ABR: variants seen among roughly 807,000 people sequenced by gnomAD.
ABR encodes the protein ABR activator of RhoGEF and GTPase.
A neutral mutation model predicts 107.2 loss-of-function variants in ABR; 35 were observed. The observed-to-expected ratio is 0.33, with a 90% CI of 0.25 to 0.43. ABR has a LOEUF of 0.43. Among genes scored for constraint, ABR ranks in the 20% least tolerant of loss-of-function variants. ABR has a pLI of 1.00. For missense variants in ABR, 815 were observed against 1,115.2 expected (o/e 0.73, Z 3.83); for synonymous variants, 498 against 462.0 (o/e 1.08, Z -1.00).
At chr17:1,052,036 T>C (rs2031757888) in intron 14 of ABR, among the ~76,000 whole-genome samples, 1 of 150,734 alleles carries the variant, frequency 6.6e-6, no homozygotes, top group South Asian at 2.1e-4. Flanking sequence ...ATGGCACCAC[T>C]GCACTCCAGC....
At chr17:1,045,008 G>GTTTA (rs1474386537) in intron 16 of ABR, among the ~76,000 whole-genome samples, 5 of 152,152 alleles carry the variant, frequency 3.3e-5, no homozygotes, top group Non-Finnish European at 7.3e-5. Flanking sequence ...AGAAAAGGAG[G>GTTTA]TTTATAATAA....
At chr17:1,053,828 G>A (rs2032883601) in intron 14 of ABR, among the ~76,000 whole-genome samples, 1 of 124,290 alleles carries the variant, frequency 8.0e-6, no homozygotes, top group East Asian at 2.5e-4. Flanking sequence ...GCGGCATCTG[G>A]GGACATGGAG....
chr17:1,206,070 C>T (rs1284665079), intron 1 of ABR, among the ~76,000 whole-genome samples: 6 of 151,578 alleles, frequency 4.0e-5, no homozygotes, highest in East Asian at 3.9e-4. Context: ...GAGCTGAGAT[C>T]GCGCCACTGC....
At chr17:1,129,677 G>C (rs1338081071) in intron 1 of ABR, among the ~76,000 whole-genome samples, 1 of 151,548 alleles carries the variant, frequency 6.6e-6, no homozygotes, top group Non-Finnish European at 1.5e-5. Context: ...GGCTGAACGC[G>C]GTGGCTCACA....
intron 16 of ABR, among the ~76,000 whole-genome samples, chr17:1,044,127 T>C (rs1268768817): frequency 1.3e-5 from 2 of 151,678 alleles, no homozygotes; most frequent in Non-Finnish European, 2.9e-5. Context: ...TAGAGTAGGA[T>C]AAACACAGTG....
rs33922708 is a variant in ABR, at chr17:1,113,278, ATTT to A, written c.246+11902_246+11904del. Among the ~76,000 whole-genome samples the A allele has an allele frequency of 3.3e-4, 34 of 104,116 alleles. 1 individual carries two copies. The highest frequency in any genetic ancestry group is 1.2e-3 in the African/African-American group (33 of 26,570). 68.3% of individuals were successfully genotyped at this position (104,116 alleles called of 152,430 possible). On this transcript the variant is annotated intron_variant, in intron 2 of 22. Coordinates refer to ENST00000302538, the MANE Select transcript of ABR (RefSeq NM_021962.5). ...GGATAACATGGAAACACCTATTGCG[ATTT>A]TTTTTTTTTTTTTTTTTTTTTTTGA...
chr17:1,222,971 T>A (rs1261692822), intron 1 of ABR, among the ~76,000 whole-genome samples: 1 of 151,534 alleles, frequency 6.6e-6, no homozygotes, highest in Non-Finnish European at 1.5e-5. Flanking sequence ...GGAGTCCGAG[T>A]CAGGCAGATC....
chr17:1,201,818 AG>A (rs1408848333), intron 1 of ABR, among the ~76,000 whole-genome samples: 1 of 152,050 alleles, frequency 6.6e-6, no homozygotes, highest in African/African-American at 2.4e-5. Context: ...CTGGGACAAC[AG>A]GCGCCCACCA....
In ABR at chr17:1,010,977, T is replaced by G. The variant is rs2070486408; in HGVS notation, c.2102-114A>C. ...CTCCAGCTCTGGTTCTGGTCTCCCCTGGAAGAGCAGGATGTAGAGAGGGCC... is the reference window on the plus strand; with the variant it reads ...CTCCAGCTCTGGTTCTGGTCTCCCCGGGAAGAGCAGGATGTAGAGAGGGCC... On this transcript the variant is annotated intron_variant, in intron 19 of 22. Transcript: ENST00000302538. The surrounding 1 kb of genome is among the most constrained non-coding windows in gnomAD (Gnocchi z 4.1). 7.1e-7 allele frequency: 1 copy of G among 1,408,190 alleles called. No homozygotes were observed. The highest frequency in any genetic ancestry group is 1.4e-5 in the African/African-American group (1 of 71,164). The allele number at this position is 1,408,190 out of a possible 1,614,324, so 87.2% of individuals were successfully genotyped here.
At position 1,010,880 on chromosome 17, in the gene ABR, G is replaced by A. The variant is rs376422549; in HGVS notation, c.2102-17C>T. ...CCTTGTTATCTGCAGGGGTGGGGCC[G>A]AGGTCAGGCAGCCTTAGCTGGGCCA... On this transcript the variant is annotated splice_polypyrimidine_tract_variant and intron_variant, in intron 19 of 22. Transcript: ENST00000302538. The surrounding 1 kb of genome is among the most constrained non-coding windows in gnomAD (Gnocchi z 4.1). 1.9e-5 allele frequency: 31 copies of A among 1,612,568 alleles called. No individual in the cohort carries two copies. The highest frequency in any genetic ancestry group is 1.7e-4 in the Middle Eastern group (1 of 5,840).
rs753184815 is a variant in ABR at position 1,125,196 on chromosome 17, C to G, written c.233G>C (p.Gly78Ala). 136 of 1,588,538 alleles carry G rather than the reference C, an allele frequency of 8.6e-5. No individual in the cohort carries two copies. Among genetic ancestry groups the G allele is most frequent in the Non-Finnish European group, 7.3e-5 (85 of 1,165,894 alleles). The change falls in exon 2 of 23, where the codon GGA becomes GCA. Residue 78 changes from glycine to alanine, a missense_variant. Gly to Ala is a moderately conservative substitution (Grantham distance 60). Around this residue, in one of 5 missense-constraint regions of ABR, gnomAD observed 129 missense variants for 124.8 expected, o/e 1.03. Transcript: ENST00000302538. ...GDGVSPTPPE[G>A]LAPGVEAGKG... Reference sequence around the variant, plus strand: ...CGGTGTACCTACCCCAGGAGCCAGTCCCTCAGGTGGAGTCGGGGAGACGCC... The same window carrying G: ...CGGTGTACCTACCCCAGGAGCCAGTGCCTCAGGTGGAGTCGGGGAGACGCC...
chr17:1,073,645 G>A lies in ABR; in HGVS notation c.733C>T (p.Arg245Trp). The A allele has an allele frequency of 1.2e-6, 2 of 1,604,224 alleles. No individual in the cohort carries two copies. The highest frequency in any genetic ancestry group is 1.7e-6 in the Non-Finnish European group (2 of 1,174,286). ...CTCACGTGTAGGACTAGGGTGCTCC[G>A]AGTGACCCGGTCAATGGGCTTGTAG... ...LLYKPIDRVT[R>W]STLVLHDLLK... Residue 245 changes from arginine (R) to tryptophan (W), a missense_variant, in exon 7 of 23, where the codon CGG (arginine) becomes TGG (tryptophan). Transcript: ENST00000302538.
upstream of ABR, among the ~76,000 whole-genome samples, chr17:1,182,106 C>A (rs1238777653): frequency 6.6e-6 from 1 of 152,152 alleles, no homozygotes; most frequent in Admixed American, 6.5e-5. Context: ...CACTCCACAA[C>A]ACGATAGAGG....
chr17:1,223,349 G>A (rs72816239), intron 1 of ABR, among the ~76,000 whole-genome samples: 418 of 129,030 alleles, frequency 3.2e-3, no homozygotes, highest in Non-Finnish European at 5.3e-3. Context: ...ACCCTCCATC[G>A]TCACTCTACG....
intron 1 of ABR, among the ~76,000 whole-genome samples, chr17:1,203,296 G>A (rs1350559322): frequency 6.6e-6 from 1 of 151,422 alleles, no homozygotes; most frequent in African/African-American, 2.4e-5. Context: ...CTCAGGGGGC[G>A]TGGCCCGGCT....
chr17:1,208,411 C>T (rs1031465087), intron 1 of ABR, among the ~76,000 whole-genome samples: 1 of 152,302 alleles, frequency 6.6e-6, no homozygotes, highest in Admixed American at 6.5e-5. Context: ...GCGTCTCGAT[C>T]GGGTGATTCC....
At chr17:1,043,757 G>A (rs1468075170) in intron 16 of ABR, among the ~76,000 whole-genome samples, 3 of 152,190 alleles carry the variant, frequency 2.0e-5, no homozygotes, top group Non-Finnish European at 4.4e-5. Context: ...CCCACCACAG[G>A]GTCTTCAGCG....
At chr17:1,120,467 C>T (rs144278750) in intron 2 of ABR, among the ~76,000 whole-genome samples, 10,933 of 152,046 alleles carry the variant, frequency 0.072, 1,025 homozygotes, top group African/African-American at 0.21. Context: ...TTAGTAGAGA[C>T]GGGGTTTCAC....
rs370318024 is a variant in ABR, at chr17:1,011,918, C to G, written c.2029G>C (p.Glu677Gln). The G allele has an allele frequency of 1.9e-6, 3 of 1,612,432 alleles. No individual in the cohort carries two copies. The highest frequency in any genetic ancestry group is 1.7e-5 in the Admixed American group (1 of 59,940). The change falls in exon 19 of 23, where the codon GAG (glutamate) becomes CAG (glutamine). Residue 677 changes from glutamate (E) to glutamine (Q), a missense_variant. Transcript: ENST00000302538. The surrounding 1 kb of genome is among the most constrained non-coding windows in gnomAD (Gnocchi z 4.8). ...CVEEVEKRGIEEVGIYRISGV... is the reference protein window; with the variant it reads ...CVEEVEKRGIQEVGIYRISGV... ...GATATCCTGTAGATGCCAACCTCCT[C>G]GATACCCCTCTTCTCCACCTCCTCC...
Sources: gnomAD v4.1 joint callset for allele counts (sites outside exome capture counted in the v4.1 genomes callset) on GRCh38, gnomAD v4.1.1 for gene constraint, gnomAD v4.1.1 regional missense constraint, Gnocchi (gnomAD v3.1) non-coding constraint, MANE v1.5 for transcripts, NCBI Gene and HGNC (gene_info 2026-07-23, HGNC 2026-07-21) for gene names.